Variants in PCDHGB2 observed in about 807,000 individuals in gnomAD.
The protein encoded by PCDHGB2 is protocadherin gamma-B2.
PCDHGB2 carries 55 observed loss-of-function variants against 59.3 expected under a neutral mutation model. That is an observed-to-expected ratio of 0.93 (90% CI 0.75 to 1.16). PCDHGB2 has a LOEUF of 1.16. Among genes scored for constraint, PCDHGB2 ranks in the 50% most tolerant of loss-of-function variants. The probability of loss-of-function intolerance (pLI) is 0.00; values close to 1 mark genes in which losing one functional copy is unlikely to be tolerated. For missense variants in PCDHGB2, 1,228 were observed against 1,198.5 expected, an observed-to-expected ratio of 1.02 and a Z score of -0.36; for synonymous variants, 516 against 512.0, an observed-to-expected ratio of 1.01 and a Z score of -0.11.
chr5:141,468,528 G>A (rs2154569956), intron 1 of PCDHGB2: 1 of 152,056 alleles, frequency 6.6e-6, no homozygotes, highest in South Asian at 2.1e-4. Context: ...TTTTTTGCAG[G>A]TAGTTTCCTG....
chr5:141,372,008 C>A (rs774155523), intron 1 of PCDHGB2: 3 of 1,613,290 alleles, frequency 1.9e-6, no homozygotes, highest in East Asian at 4.5e-5. Flanking sequence ...GCGACCAGGG[C>A]TCGCCTACGC....
chr5:141,387,827 A>G (rs2091110263), intron 1 of PCDHGB2: 2 of 1,585,958 alleles, frequency 1.3e-6, no homozygotes, highest in Non-Finnish European at 8.6e-7. Flanking sequence ...TGCAATACAG[A>G]GGTTATTTGT....
intron 1 of PCDHGB2, among the ~76,000 whole-genome samples, chr5:141,401,347 A>T (rs2094143126): frequency 6.6e-6 from 1 of 152,228 alleles, no homozygotes; most frequent in South Asian, 2.1e-4. Context: ...CATCTCAAAA[A>T]AAAGGAAGGA....
chr5:141,438,180 A>G (rs2097937602), intron 1 of PCDHGB2, among the ~76,000 whole-genome samples: 1 of 152,204 alleles, frequency 6.6e-6, no homozygotes, highest in African/African-American at 2.4e-5. Context: ...AATATTTTAT[A>G]AAGGATGAGA....
chr5:141,393,072 G>A (rs2092669892), intron 1 of PCDHGB2: 1 of 1,613,680 alleles, frequency 6.2e-7, no homozygotes. Flanking sequence ...CTTGATCACC[G>A]CGGGCAGGAT....
At position 141,405,363 on chromosome 5, in the gene PCDHGB2, C is replaced by T. The variant is rs765508317; in HGVS notation, c.2421+42807C>T. The T allele has an allele frequency of 2.0e-5, 33 of 1,613,690 alleles. No individual in the cohort carries two copies. The highest frequency in any genetic ancestry group is 2.7e-5 in the African/African-American group (2 of 74,888). On this transcript the variant is annotated intron_variant, in intron 1 of 3. Coordinates refer to ENST00000522605, the MANE Select transcript of PCDHGB2 (RefSeq NM_018923.3). ...GATTCCAAGTTTCCTATAGAAGACACCCCTTTGGTTCCGGTGAGTTCATTT... is the reference window on the plus strand; with the variant it reads ...GATTCCAAGTTTCCTATAGAAGACATCCCTTTGGTTCCGGTGAGTTCATTT...
chr5:141,376,420 T>C (rs1312408619), intron 1 of PCDHGB2: 5 of 1,614,196 alleles, frequency 3.1e-6, no homozygotes, highest in African/African-American at 1.3e-5. Context: ...CCGACACGCT[T>C]ATCAACCAGG....
intron 1 of PCDHGB2, chr5:141,415,846 G>A: frequency 3.2e-6 from 4 of 1,240,536 alleles, no homozygotes; most frequent in Non-Finnish European, 4.2e-6. Flanking sequence ...TAGCTTTGCA[G>A]AACCTTGTAG....
chr5:141,403,120 C>T, intron 1 of PCDHGB2: 2 of 1,614,050 alleles, frequency 1.2e-6, no homozygotes, highest in Non-Finnish European at 1.7e-6. Flanking sequence ...CTCTGGAGCC[C>T]CGGGAGCTGG....
At chr5:141,395,032 T>C (rs1561652708) in intron 1 of PCDHGB2, 1 of 1,614,068 alleles carries the variant, frequency 6.2e-7, no homozygotes. Context: ...GCCTCACATT[T>C]TGTGGGTGTT....
rs764363553 is a variant in PCDHGB2 at position 141,432,120 on chromosome 5, A to C, written c.2422-62687A>C. The C allele has an allele frequency of 1.2e-6, 2 of 1,613,978 alleles. No homozygotes were observed. Among genetic ancestry groups the C allele is most frequent in the African/African-American group, 2.7e-5 (2 of 74,894 alleles). ...AACGACAACCCGCCGGTCTTCCCTC[A>C]GGCCTCCTATTCCGCTTATATCCCA... On this transcript the variant is annotated intron_variant, in intron 1 of 3. Transcript: ENST00000522605. The surrounding 1 kb of genome is among the most constrained non-coding windows in gnomAD (Gnocchi z 6.0).
At chr5:141,399,821 C>T in intron 1 of PCDHGB2, 1 of 1,613,210 alleles carries the variant, frequency 6.2e-7, no homozygotes, top group Non-Finnish European at 8.5e-7. Flanking sequence ...GCGCTGGGTC[C>T]CGACGGCTCT....
intron 1 of PCDHGB2, chr5:141,393,919 T>C: frequency 6.2e-7 from 1 of 1,613,992 alleles, no homozygotes; most frequent in Non-Finnish European, 8.5e-7. Flanking sequence ...ATTGCCTTCT[T>C]GAGTGTGCAT....
intron 1 of PCDHGB2, chr5:141,420,275 G>A: frequency 1.3e-6 from 2 of 1,524,576 alleles, no homozygotes; most frequent in Non-Finnish European, 1.8e-6. Flanking sequence ...TCTTAAACAG[G>A]TAAGTATTTA....
Position 141,432,694 on chromosome 5 carries a change from C to A in PCDHGB2, c.2422-62113C>A. 1 of 1,613,936 alleles carries A rather than the reference C, an allele frequency of 6.2e-7. No homozygotes were observed. The highest frequency in any genetic ancestry group is 8.5e-7 in the Non-Finnish European group (1 of 1,179,964). On this transcript the variant is annotated intron_variant, in intron 1 of 3. Transcript: ENST00000522605. This position sits in a 1 kb window ranked among gnomAD's most constrained non-coding sequence, Gnocchi z 6.0. Reference sequence around the variant, plus strand: ...CGCTCAAGCAGAGCCTCGTAGTGGCCGTCCAGGACCACGGCCAGCCCCCTC... The same window carrying A: ...CGCTCAAGCAGAGCCTCGTAGTGGCAGTCCAGGACCACGGCCAGCCCCCTC...
At chr5:141,393,762 A>G (rs2092837336) in intron 1 of PCDHGB2, 1 of 1,613,940 alleles carries the variant, frequency 6.2e-7, no homozygotes, top group African/African-American at 1.3e-5. Context: ...ATTTTATGAA[A>G]TGGAAATACA....
intron 1 of PCDHGB2, chr5:141,382,944 G>A (rs375823415): frequency 6.3e-7 from 1 of 1,596,888 alleles, no homozygotes; most frequent in Non-Finnish European, 8.6e-7. Flanking sequence ...GATTCTTCCT[G>A]CTCTCCATCC....
At chr5:141,384,290 A>T in intron 1 of PCDHGB2, 1 of 1,613,874 alleles carries the variant, frequency 6.2e-7, no homozygotes, top group Non-Finnish European at 8.5e-7. Context: ...ATCGCTGAGA[A>T]CAACCCCAGA....
At chr5:141,367,381 C>CA (rs1372529981) in intron 1 of PCDHGB2, 2 of 151,950 alleles carry the variant, frequency 1.3e-5, no homozygotes, top group Non-Finnish European at 2.9e-5. Flanking sequence ...ACTAAAAATA[C>CA]AAAAAATTAG....
Sources: allele counts gnomAD v4.1 joint callset (sites outside exome capture counted in the v4.1 genomes callset), GRCh38; gene constraint gnomAD v4.1.1; non-coding constraint Gnocchi (gnomAD v3.1); transcripts MANE v1.5; gene names NCBI Gene and HGNC (gene_info 2026-07-23, HGNC 2026-07-21).